METTL21A: variants seen among roughly 807,000 people sequenced by gnomAD.
METTL21A encodes the protein methyltransferase 21A, HSPA lysine.
Under a neutral mutation model 20.9 loss-of-function variants are expected in METTL21A, and 22 were observed. The observed-to-expected ratio is 1.05, with a 90% CI of 0.75 to 1.50. The LOEUF (loss-of-function observed/expected upper bound fraction) is 1.50. Among genes scored for constraint, METTL21A ranks in the 40% most tolerant of loss-of-function variants. The probability of loss-of-function intolerance (pLI) is 0.00; values close to 1 mark genes in which losing one functional copy is unlikely to be tolerated. For synonymous variants in METTL21A, 93 were observed against 102.0 expected (o/e 0.91, Z 0.53); for missense variants, 271 against 266.8 (o/e 1.02, Z -0.11).
At chr2:207,606,834 T>C (rs79683896), downstream of METTL21A, among the ~76,000 whole-genome samples, 958 of 152,304 alleles carry the variant, frequency 6.3e-3, 10 homozygotes, top group African/African-American at 0.021. Flanking sequence ...TTTTAAAGAA[T>C]TGGCAGTAAA....
exon 4 of METTL21A, chr2:207,613,001 T>A: frequency 6.6e-7 from 1 of 1,510,176 alleles, no homozygotes; most frequent in Non-Finnish European, 8.9e-7. Flanking sequence ...GTCTAAGACC[T>A]TAAGTGACAC....
downstream of METTL21A, among the ~76,000 whole-genome samples, chr2:207,605,161 G>T (rs1038387323): frequency 6.6e-6 from 1 of 152,132 alleles, no homozygotes; most frequent in Non-Finnish European, 1.5e-5. Context: ...TCCCTCAGCA[G>T]CTGTACCGTT....
downstream of METTL21A, among the ~76,000 whole-genome samples, chr2:207,604,974 C>T (rs1436274599): frequency 1.3e-5 from 2 of 152,146 alleles, no homozygotes; most frequent in African/African-American, 2.4e-5. Context: ...ACAAGTTTAT[C>T]GATTCATCCA....
At chr2:207,589,867 G>C (rs982913528) in intron 3 of METTL21A, among the ~76,000 whole-genome samples, 1 of 152,088 alleles carries the variant, frequency 6.6e-6, no homozygotes, top group Admixed American at 6.6e-5. Context: ...TTTTGTTGAG[G>C]ATTTTTATGT....
downstream of METTL21A, chr2:207,580,782 C>T: frequency 8.9e-6 from 2 of 224,506 alleles, no homozygotes. Flanking sequence ...ACTTCTGTTA[C>T]ATTTTGGCAG....
chr2:207,586,838 G>A (rs1188298207), intron 3 of METTL21A, among the ~76,000 whole-genome samples: 1 of 152,204 alleles, frequency 6.6e-6, no homozygotes, highest in African/African-American at 2.4e-5. Flanking sequence ...AAACCACAAT[G>A]AAGTATCATT....
chr2:207,607,346 A>C (rs2088268013), downstream of METTL21A, among the ~76,000 whole-genome samples: 1 of 152,052 alleles, frequency 6.6e-6, no homozygotes, highest in Non-Finnish European at 1.5e-5. Flanking sequence ...AGATCACACC[A>C]CTGCACTCCA....
chr2:207,602,076 C>A (rs1168589046), intron 3 of METTL21A: 1 of 205,518 alleles, frequency 4.9e-6, no homozygotes, highest in Non-Finnish European at 9.9e-6. Context: ...CCATCTGTCT[C>A]ATCTGCTTAT....
At chr2:207,607,962 G>A (rs1057386005), downstream of METTL21A, among the ~76,000 whole-genome samples, 3 of 151,922 alleles carry the variant, frequency 2.0e-5, no homozygotes, top group Non-Finnish European at 2.9e-5. Flanking sequence ...GCCCAGATAC[G>A]CGCGCTCGCT....
chr2:207,606,430 C>G (rs531206824), downstream of METTL21A, among the ~76,000 whole-genome samples: 1 of 152,098 alleles, frequency 6.6e-6, no homozygotes, highest in Admixed American at 6.5e-5. Context: ...TGCAGTGAGC[C>G]GAGATTGCGC....
intron 2 of METTL21A, 76 bp downstream of exon 2, chr2:207,624,153 G>A: frequency 2.0e-6 from 3 of 1,475,826 alleles, no homozygotes; most frequent in Non-Finnish European, 2.7e-6. Context: ...CAATAAAGCT[G>A]TTCTAAAAAA....
In METTL21A at chr2:207,595,502, C is replaced by A. The variant is rs77706942; in HGVS notation, c.260-13342G>T. ...GTGGCATGATCATGGCTCACTGCAG[C>A]CTCGACCTCCCGGCCTCCAACCTCA... On this transcript the variant is annotated intron_variant, in intron 3 of 3. Coordinates refer to the METTL21A transcript ENST00000425132. Among the ~76,000 whole-genome samples, 131 of 152,088 alleles carry A rather than the reference C, an allele frequency of 8.6e-4. 5 individuals carry two copies. The East Asian group carries it at 0.021, about 24-fold the overall frequency.
At chr2:207,614,128 C>CA (rs536615968) in intron 3 of METTL21A, among the ~76,000 whole-genome samples, 158 of 150,398 alleles carry the variant, frequency 1.1e-3, no homozygotes, top group African/African-American at 3.5e-3. Context: ...AGGCCAGGTA[C>CA]AGTGGCTCAT....
downstream of METTL21A, among the ~76,000 whole-genome samples, chr2:207,606,936 C>T (rs1041672027): frequency 2.0e-5 from 3 of 152,120 alleles, no homozygotes; most frequent in Non-Finnish European, 4.4e-5. Context: ...TGCCTTGATA[C>T]TTTAATATCC....
chr2:207,593,464 A>G (rs1046996074), intron 3 of METTL21A, among the ~76,000 whole-genome samples: 2 of 152,214 alleles, frequency 1.3e-5, no homozygotes, highest in African/African-American at 4.8e-5. Context: ...TGGGAGGTCA[A>G]GGCTGCAGTG....
chr2:207,612,743 TA>T, exon 4 of METTL21A: 1 of 233,290 alleles, frequency 4.3e-6, no homozygotes, highest in Non-Finnish European at 8.2e-6. Context: ...CGGCCCTTCA[TA>T]TCATCAGTGG....
intron 3 of METTL21A, among the ~76,000 whole-genome samples, chr2:207,595,036 G>A (rs371987824): frequency 6.8e-5 from 9 of 131,670 alleles, no homozygotes; most frequent in African/African-American, 2.6e-4. Flanking sequence ...TCGCTCTGTT[G>A]CCTAGGTAGA....
Position 207,613,393 on chromosome 2 carries a change from A to AT in METTL21A, c.309dup (p.Ser104IlefsTer14). 6.2e-7 allele frequency: 1 copy of AT among 1,607,330 alleles called. No homozygotes were observed. On this transcript the variant is annotated frameshift_variant, in exon 4 of 4. Transcript: ENST00000406927. LOFTEE classifies it high-confidence loss of function. ...GGAGGTAAGTTGGCTTGAACGTTTGATTTAAGAAATTCTAATGCTACTTTT... is the reference window on the plus strand; with the variant it reads ...GGAGGTAAGTTGGCTTGAACGTTTGATTTTAAGAAATTCTAATGCTACTTTT...
chr2:207,600,535 G>C, intron 3 of METTL21A: 1 of 209,082 alleles, frequency 4.8e-6, no homozygotes, highest in Non-Finnish European at 9.7e-6. Context: ...TATTTGGTTT[G>C]TATGCTTTGT....
Sources: gnomAD v4.1 joint callset for allele counts (sites outside exome capture counted in the v4.1 genomes callset) on GRCh38, gnomAD v4.1.1 for gene constraint, MANE v1.5 for transcripts, NCBI Gene and HGNC (gene_info 2026-07-23, HGNC 2026-07-21) for gene names.